Variants in MISFA observed in about 807,000 individuals in gnomAD.
MISFA encodes mitochondrial sheath formation associated.
chr11:18,604,654 G>C, the MISFA span, among the ~76,000 whole-genome samples: 3 of 151,414 alleles, frequency 2.0e-5, no homozygotes, highest in African/African-American at 4.9e-5. Flanking sequence ...AGAACCCTAA[G>C]CTTATACCAT....
the MISFA span, among the ~76,000 whole-genome samples, chr11:18,600,537 T>C: frequency 7.6e-6 from 1 of 131,132 alleles, no homozygotes; most frequent in East Asian, 2.4e-4. Context: ...TTTTTTTTTT[T>C]GGAGACGGAG....
chr11:18,604,264 T>C, the MISFA span, among the ~76,000 whole-genome samples: 1 of 152,200 alleles, frequency 6.6e-6, no homozygotes, highest in African/African-American at 2.4e-5. Context: ...CTTAGTATTC[T>C]GTTAGCTTGT....
chr11:18,600,214 A>T, the MISFA span, among the ~76,000 whole-genome samples: 1 of 151,346 alleles, frequency 6.6e-6, no homozygotes, highest in Non-Finnish European at 1.5e-5. Flanking sequence ...TATTATTATT[A>T]TTTTTTGAGA....
At chr11:18,608,808 G>C in the MISFA span, 2 of 152,632 alleles carry the variant, frequency 1.3e-5, no homozygotes, top group African/African-American at 4.8e-5. Context: ...ACAGTGCATA[G>C]TTTGAAATCA....
the MISFA span, chr11:18,609,034 ATTACTC>A: frequency 6.6e-6 from 1 of 152,586 alleles, no homozygotes; most frequent in African/African-American, 2.4e-5. Flanking sequence ...TTTATAAACT[ATTACTC>A]TTTCAAATCT....
At chr11:18,609,294 T>C in the MISFA span, 3 of 153,052 alleles carry the variant, frequency 2.0e-5, no homozygotes, top group South Asian at 4.1e-4. Flanking sequence ...ACAGAATTTA[T>C]TCTACTTTGT....
At chr11:18,604,508 T>C in the MISFA span, among the ~76,000 whole-genome samples, 1 of 151,696 alleles carries the variant, frequency 6.6e-6, no homozygotes, top group African/African-American at 2.4e-5. Flanking sequence ...ATACAAAAAA[T>C]TAGCTAGGGC....
At chr11:18,601,166 T>G in the MISFA span, 1 of 398,644 alleles carries the variant, frequency 2.5e-6, no homozygotes. Flanking sequence ...GGGCTTTAGG[T>G]GAAGATCTGC....
chr11:18,601,793 A>G, the MISFA span: 1 of 359,058 alleles, frequency 2.8e-6, no homozygotes, highest in South Asian at 1.5e-4. Flanking sequence ...TAACTTTGTG[A>G]CTTTCTAGCT....
the MISFA span, chr11:18,603,908 G>A: frequency 1.2e-3 from 286 of 228,886 alleles, 1 homozygote; most frequent in African/African-American, 6.7e-3. Flanking sequence ...ATGTTAAGAA[G>A]TTACCGCACT....
At chr11:18,605,822 C>G in the MISFA span, among the ~76,000 whole-genome samples, 1 of 152,120 alleles carries the variant, frequency 6.6e-6, no homozygotes, top group African/African-American at 2.4e-5. Flanking sequence ...CCCTGAGTAG[C>G]AGGGATTACA....
At chr11:18,605,844 A>G in the MISFA span, among the ~76,000 whole-genome samples, 1 of 151,972 alleles carries the variant, frequency 6.6e-6, no homozygotes. Flanking sequence ...CGCACGCCAC[A>G]TTTTTGTATT....
chr11:18,604,432 G>A, the MISFA span, among the ~76,000 whole-genome samples: 18 of 151,918 alleles, frequency 1.2e-4, no homozygotes, highest in African/African-American at 3.4e-4. Flanking sequence ...AACACAGGTG[G>A]ATCATCTAGG....
the MISFA span, chr11:18,606,619 A>G: frequency 2.8e-6 from 1 of 363,150 alleles, no homozygotes; most frequent in South Asian, 2.0e-5. Context: ...ATCATACACT[A>G]AACGTCTGAA....
At chr11:18,606,899 CA>C in the MISFA span, 1 of 337,990 alleles carries the variant, frequency 3.0e-6, no homozygotes, top group Non-Finnish European at 5.5e-6. Context: ...CTCGCTCTGT[CA>C]CCCAGCCTGG....
chr11:18,601,374 GT>G, the MISFA span: 1 of 396,896 alleles, frequency 2.5e-6, no homozygotes, highest in Non-Finnish European at 4.4e-6. Flanking sequence ...CATAGGTGTT[GT>G]TTTGAAGACT....
chr11:18,600,191 A>AT, the MISFA span, among the ~76,000 whole-genome samples: 1 of 151,452 alleles, frequency 6.6e-6, no homozygotes, highest in Non-Finnish European at 1.5e-5. Context: ...ATCCTTTTTT[A>AT]TTTTTTATTT....
At chr11:18,608,948 G>A in the MISFA span, 2 of 149,824 alleles carry the variant, frequency 1.3e-5, no homozygotes, top group African/African-American at 4.9e-5. Flanking sequence ...AGAGGTATGA[G>A]GGCACCTTGG....
At chr11:18,609,077 C>T in the MISFA span, 710 of 152,116 alleles carry the variant, frequency 4.7e-3, 8 homozygotes, top group African/African-American at 0.016. Context: ...ATTTTTTCTT[C>T]GATATAAAAA....
Sources: gnomAD v4.1 joint callset for allele counts (sites outside exome capture counted in the v4.1 genomes callset) on GRCh38, gnomAD v4.1.1 for gene constraint, MANE v1.5 for transcripts, NCBI Gene and HGNC (gene_info 2026-07-23, HGNC 2026-07-21) for gene names.